Variants in MSH4 observed in about 807,000 individuals in gnomAD.
The protein encoded by MSH4 is mutS homolog 4.
MSH4 carries 106 observed loss-of-function variants against 113.7 expected under a neutral mutation model. The ratio of observed to expected loss-of-function variants is 0.93; its 90% confidence interval spans 0.80 to 1.10. MSH4 has a LOEUF of 1.10. MSH4 is among the 50% of genes least tolerant of loss of function. The pLI is 0.00. For missense variants in MSH4, 1,061 were observed against 1,093.7 expected (o/e 0.97, Z 0.42); for synonymous variants, 368 against 380.2 (o/e 0.97, Z 0.37).
intron 15 of MSH4, among the ~76,000 whole-genome samples, chr1:75,888,798 T>C (rs1652185337): frequency 6.6e-6 from 1 of 152,106 alleles, no homozygotes; most frequent in African/African-American, 2.4e-5. Flanking sequence ...TTATTTAAAA[T>C]TTTTATTGTG....
At chr1:75,850,346 G>A (rs1417063781) in intron 8 of MSH4, among the ~76,000 whole-genome samples, 4 of 152,018 alleles carry the variant, frequency 2.6e-5, no homozygotes, top group African/African-American at 7.2e-5. Flanking sequence ...TTTTAGATAT[G>A]TTGTGATTTC....
Position 75,878,441 on chromosome 1 carries a change from A to G in MSH4, c.1540+123A>G, listed in dbSNP as rs1052672462. The G allele has an allele frequency of 1.2e-5, 9 of 758,384 alleles. No homozygotes were observed. In the African/African-American group the frequency reaches 1.6e-4, roughly 14 times the overall value. 47.0% of individuals were successfully genotyped at this position (758,384 alleles called of 1,614,324 possible). On this transcript the variant is annotated intron_variant, in intron 11 of 19. Coordinates refer to ENST00000263187, the MANE Select transcript of MSH4 (RefSeq NM_002440.4). Reference sequence around the variant, plus strand: ...TAAATTTATTTTTCGTTACCAAAACATAAGGTTAGCATGTAGTGCCATTTA... The same window carrying G: ...TAAATTTATTTTTCGTTACCAAAACGTAAGGTTAGCATGTAGTGCCATTTA...
intron 1 of MSH4, 114 bp downstream of exon 1, chr1:75,797,343 G>T: frequency 7.2e-7 from 1 of 1,383,178 alleles, no homozygotes; most frequent in Admixed American, 2.5e-5. Context: ...TGGTTGGGGC[G>T]TGAGATCTGA....
At position 75,897,928 on chromosome 1, in the gene MSH4, C is replaced by T. The variant is rs1005310513; in HGVS notation, c.2377C>T (p.His793Tyr). 2.6e-5 allele frequency: 40 copies of T among 1,568,110 alleles called. No homozygotes were observed. The highest frequency in any genetic ancestry group is 3.3e-5 in the Non-Finnish European group (38 of 1,158,148). ...SLKAFTLFAT[H>Y]FLELCHIDAL... ...CCAGGCATTTACACTGTTTGCTACA[C>T]ATTTCCTGGAACTATGCCATATTGA... The change falls in exon 18 of 20, where the codon CAT (histidine) becomes TAT (tyrosine). Residue 793 changes from histidine to tyrosine, a missense_variant. By Grantham distance (83) the His-to-Tyr change is moderately conservative. Transcript: ENST00000263187.
intron 8 of MSH4, among the ~76,000 whole-genome samples, chr1:75,862,022 C>T (rs1257211502): frequency 1.3e-5 from 2 of 152,108 alleles, no homozygotes; most frequent in East Asian, 3.9e-4. Flanking sequence ...TGCCAAGCTC[C>T]CACATCCCAG....
At chr1:75,808,451 G>A (rs1650116189) in intron 3 of MSH4, among the ~76,000 whole-genome samples, 1 of 152,102 alleles carries the variant, frequency 6.6e-6, no homozygotes, top group Non-Finnish European at 1.5e-5. Context: ...GTACTGTTCT[G>A]TTTTTATATG....
chr1:75,797,227 A>G lies in MSH4; in HGVS notation c.242A>G (p.Gln81Arg), dbSNP rs753656618. The change falls in exon 1 of 20, where the codon CAA (glutamine) becomes CGA (arginine). Residue 81 changes from glutamine to arginine, a missense_variant and splice_region_variant. Transcript: ENST00000263187. Reference protein sequence around the residue: ...PCPAPNSRPAQGSYFGNKRAY... With the variant: ...PCPAPNSRPARGSYFGNKRAY... ...CCCGCGCCAAACTCCCGGCCAGCTC[A>G]AGGCAAGGAGTGATTGGGTGGAGGA... The G allele has an allele frequency of 1.2e-5, 19 of 1,603,798 alleles. No homozygotes were observed. Among genetic ancestry groups the G allele is most frequent in the Admixed American group, 3.4e-5 (2 of 58,266 alleles).
chr1:75,907,198 G>A (rs1286715886), intron 19 of MSH4, among the ~76,000 whole-genome samples: 3 of 151,974 alleles, frequency 2.0e-5, no homozygotes, highest in Non-Finnish European at 4.4e-5. Flanking sequence ...GTCTAGTAAT[G>A]ATGCATTTCC....
At chr1:75,906,656 C>G (rs1652663477) in intron 19 of MSH4, among the ~76,000 whole-genome samples, 1 of 135,674 alleles carries the variant, frequency 7.4e-6, no homozygotes, top group South Asian at 2.3e-4. Context: ...AAACAGATAA[C>G]TACTTAGTTT....
chr1:75,904,551 G>T (rs1334253423), intron 19 of MSH4, among the ~76,000 whole-genome samples: 1 of 145,858 alleles, frequency 6.9e-6, no homozygotes, highest in Non-Finnish European at 1.5e-5. Context: ...TTGTTCTGTT[G>T]CCTGGACTGG....
chr1:75,896,877 C>T (rs1049918221), intron 17 of MSH4, among the ~76,000 whole-genome samples: 2 of 152,046 alleles, frequency 1.3e-5, no homozygotes, highest in South Asian at 4.1e-4. Flanking sequence ...TTACTGTGTT[C>T]TAAATATTTC....
At chr1:75,840,864 A>G (rs1029280740) in intron 7 of MSH4, among the ~76,000 whole-genome samples, 4 of 152,142 alleles carry the variant, frequency 2.6e-5, no homozygotes, top group Non-Finnish European at 4.4e-5. Context: ...TTTTGATGCA[A>G]TGTGATACAT....
chr1:75,814,941 C>T, intron 4 of MSH4, 80 bp from the exon 5 acceptor site: 1 of 720,610 alleles, frequency 1.4e-6, no homozygotes, highest in South Asian at 1.7e-5. Context: ...AGCCACTTAC[C>T]TAGCATGTGT....
intron 7 of MSH4, among the ~76,000 whole-genome samples, chr1:75,826,165 A>T (rs1047034667): frequency 6.6e-6 from 1 of 152,152 alleles, no homozygotes; most frequent in Admixed American, 6.5e-5. Context: ...CTAGTCACAG[A>T]TTCAACTTCT....
At chr1:75,906,076 C>T (rs1652621601) in intron 19 of MSH4, among the ~76,000 whole-genome samples, 1 of 151,778 alleles carries the variant, frequency 6.6e-6, no homozygotes, top group Non-Finnish European at 1.5e-5. Context: ...CTGCAACCTC[C>T]ACCTCCCAGG....
intron 7 of MSH4, among the ~76,000 whole-genome samples, chr1:75,843,332 ACT>A (rs1186835223): frequency 6.6e-6 from 1 of 151,612 alleles, no homozygotes; most frequent in Non-Finnish European, 1.5e-5. Flanking sequence ...TTATTTCTAC[ACT>A]CTCTCGTTGC....
intron 19 of MSH4, among the ~76,000 whole-genome samples, chr1:75,908,395 C>T (rs985345252): frequency 6.6e-6 from 1 of 152,188 alleles, no homozygotes; most frequent in Admixed American, 6.5e-5. Flanking sequence ...ATCTGCCCAC[C>T]TTGGCCTTCC....
chr1:75,829,395 T>C (rs1650632496), intron 7 of MSH4, among the ~76,000 whole-genome samples: 1 of 152,186 alleles, frequency 6.6e-6, no homozygotes. Flanking sequence ...CAGAAACTTC[T>C]GCAGACTTAA....
intron 19 of MSH4, among the ~76,000 whole-genome samples, chr1:75,900,580 T>A (rs1478973767): frequency 6.6e-6 from 1 of 152,148 alleles, no homozygotes; most frequent in Non-Finnish European, 1.5e-5. Flanking sequence ...GTGCTGGGAT[T>A]ACAGGTGTGA....
Sources: allele counts gnomAD v4.1 joint callset (sites outside exome capture counted in the v4.1 genomes callset), GRCh38; gene constraint gnomAD v4.1.1; transcripts MANE v1.5; gene names NCBI Gene and HGNC (gene_info 2026-07-23, HGNC 2026-07-21).